The following ANK2 variants were observed in gnomAD, a reference collection of about 807,000 sequenced individuals.
ANK2 encodes ankyrin 2.
ANK2 carries 83 observed loss-of-function variants against 360.5 expected under a neutral mutation model. The ratio of observed to expected loss-of-function variants is 0.23; its 90% CI spans 0.19 to 0.28. ANK2 has a LOEUF of 0.28. Among genes scored for constraint, ANK2 ranks in the 10% least tolerant of loss-of-function variants. The pLI is 1.00. For missense variants in ANK2, 4,201 were observed against 4,795.7 expected (o/e 0.88, Z 3.66); for synonymous variants, 1,740 against 1,759.5 (o/e 0.99, Z 0.28).
chr4:113,304,825 A>G (rs1223087525), intron 23 of ANK2, among the ~76,000 whole-genome samples: 1 of 152,198 alleles, frequency 6.6e-6, no homozygotes, highest in African/African-American at 2.4e-5. Flanking sequence ...ATAAGGAAAA[A>G]TGAGTAATGT....
intron 45 of ANK2, 29 bp downstream of exon 45, chr4:113,373,478 T>G: frequency 6.2e-7 from 1 of 1,611,522 alleles, no homozygotes; most frequent in Non-Finnish European, 8.5e-7. Context: ...CTAAAACCCA[T>G]TTGATGGAGA....
At chr4:113,201,046 C>A (rs1348728496) in intron 4 of ANK2, among the ~76,000 whole-genome samples, 1 of 151,922 alleles carries the variant, frequency 6.6e-6, no homozygotes, top group East Asian at 1.9e-4. Context: ...TAATAATAAA[C>A]AAAAGAGTGA....
At chr4:112,833,398 G>C (rs1247613034) in intron 1 of ANK2, among the ~76,000 whole-genome samples, 2 of 152,222 alleles carry the variant, frequency 1.3e-5, no homozygotes, top group African/African-American at 4.8e-5. Flanking sequence ...CAAAATTAGA[G>C]TAGTTTAAGC....
chr4:113,300,930 T>C (rs575853697), intron 22 of ANK2, among the ~76,000 whole-genome samples: 13 of 152,342 alleles, frequency 8.5e-5, no homozygotes, highest in African/African-American at 2.9e-4. Flanking sequence ...CTTATATATG[T>C]ATATAGTCAG....
At chr4:112,811,902 C>T in the ANK2 span, among the ~76,000 whole-genome samples, 1 of 151,868 alleles carries the variant, frequency 6.6e-6, no homozygotes, top group Non-Finnish European at 1.5e-5. Flanking sequence ...GGTGAAACCC[C>T]GTCTCTACTA....
chr4:113,234,025 G>A (rs558031065), intron 5 of ANK2, among the ~76,000 whole-genome samples: 1 of 152,250 alleles, frequency 6.6e-6, no homozygotes, highest in South Asian at 2.1e-4. Flanking sequence ...ATCTATATTT[G>A]TTTTATTTGA....
chr4:112,911,501 C>A (rs2151021168), intron 2 of ANK2, among the ~76,000 whole-genome samples: 1 of 151,808 alleles, frequency 6.6e-6, no homozygotes, highest in South Asian at 2.1e-4. Context: ...CCAGCCTGGG[C>A]AACAGAGCGA....
chr4:113,159,457 T>TATTA (rs1449535580), intron 1 of ANK2, among the ~76,000 whole-genome samples: 1 of 152,152 alleles, frequency 6.6e-6, no homozygotes, highest in Admixed American at 6.6e-5. Flanking sequence ...TACTGAAATA[T>TATTA]ATTACTGCAT....
rs374133452 is a variant in ANK2, at chr4:112,931,128, TATG to T, written c.21+26617_21+26619del. Among the ~76,000 whole-genome samples the T allele has an allele frequency of 2.2e-3, 328 of 152,196 alleles. 2 individuals are homozygous for T. Among genetic ancestry groups the T allele is most frequent in the African/African-American group, 7.5e-3 (311 of 41,520 alleles). ...GTTCCTTCAGTCCTTTCCTCACAGT[TATG>T]ATAAGAGGTTTTAAACCCAGGGTCG... On this transcript the variant is annotated intron_variant, in intron 2 of 30. Coordinates refer to the ANK2 transcript ENST00000503271.
the ANK2 span, among the ~76,000 whole-genome samples, chr4:112,739,832 C>T: frequency 3.9e-5 from 6 of 151,948 alleles, no homozygotes; most frequent in South Asian, 8.3e-4. Context: ...GGCAACATGG[C>T]GAAAACCCAT....
chr4:112,996,824 T>C (rs1024409830), intron 2 of ANK2, among the ~76,000 whole-genome samples: 4 of 152,114 alleles, frequency 2.6e-5, no homozygotes, highest in African/African-American at 9.7e-5. Flanking sequence ...AATAATAGGT[T>C]TTATTCATTA....
intron 35 of ANK2, among the ~76,000 whole-genome samples, chr4:113,347,227 A>C (rs2094959622): frequency 6.6e-6 from 1 of 152,158 alleles, no homozygotes; most frequent in Non-Finnish European, 1.5e-5. Context: ...TGACATTGTA[A>C]ATTTTTATTA....
At chr4:113,282,934 C>T (rs2062960537) in intron 18 of ANK2, 62 bp downstream of exon 18, 3 of 1,561,600 alleles carry the variant, frequency 1.9e-6, no homozygotes, top group Admixed American at 1.7e-5. Flanking sequence ...AGGAACCAAT[C>T]GCAGACAGTT....
intron 1 of ANK2, among the ~76,000 whole-genome samples, chr4:112,879,212 T>C (rs760202224): frequency 2.0e-5 from 3 of 152,282 alleles, no homozygotes; most frequent in East Asian, 1.9e-4. Context: ...CCCACCAACA[T>C]TGAGTGGGGA....
At chr4:113,036,300 C>T (rs955841221) in intron 2 of ANK2, among the ~76,000 whole-genome samples, 1 of 149,298 alleles carries the variant, frequency 6.7e-6, no homozygotes, top group Admixed American at 6.7e-5. Context: ...ATGCCACATC[C>T]AGGACTTGAA....
At chr4:113,307,742 G>A (rs915729196) in intron 23 of ANK2, among the ~76,000 whole-genome samples, 4 of 152,110 alleles carry the variant, frequency 2.6e-5, no homozygotes, top group African/African-American at 9.7e-5. Context: ...ATTGTCACCC[G>A]TGTCCTACAG....
chr4:112,894,790 T>A (rs1361213624), intron 1 of ANK2, among the ~76,000 whole-genome samples: 3 of 152,200 alleles, frequency 2.0e-5, no homozygotes, highest in Non-Finnish European at 4.4e-5. Flanking sequence ...GGAAGTTTGT[T>A]ATATTTTAGC....
Position 113,330,257 on chromosome 4 carries a change from G to C in ANK2, c.2912G>C (p.Ser971Thr). ...ATTTTAATTTTTAGTTTCCTGGTTAGTTTTATGGTGGATGCCCGAGGTGGT... is the reference window on the plus strand; with the variant it reads ...ATTTTAATTTTTAGTTTCCTGGTTACTTTTATGGTGGATGCCCGAGGTGGT... ...SSPIHSGFLVSFMVDARGGAM... is the reference protein window; with the variant it reads ...SSPIHSGFLVTFMVDARGGAM... Residue 971 changes from serine (S) to threonine (T), a missense_variant, in exon 27 of 46, where the codon AGT becomes ACT. Ser to Thr is a moderately conservative substitution (Grantham distance 58). Around this residue, in one of 4 missense-constraint regions of ANK2, gnomAD observed 1,268 missense variants for 1,650.8 expected, o/e 0.77. Coordinates refer to ENST00000357077, the MANE Select transcript of ANK2 (RefSeq NM_001148.6). 5 of 1,614,128 alleles carry C rather than the reference G, an allele frequency of 3.1e-6. No homozygotes were observed. Among genetic ancestry groups the C allele is most frequent in the Non-Finnish European group, 4.2e-6 (5 of 1,179,988 alleles).
At chr4:112,869,128 T>A (rs564207538) in intron 1 of ANK2, among the ~76,000 whole-genome samples, 1 of 152,218 alleles carries the variant, frequency 6.6e-6, no homozygotes, top group South Asian at 2.1e-4. Flanking sequence ...CCCAGCTAAT[T>A]TAAAATTTTT....
Sources: gnomAD v4.1 joint callset for allele counts (sites outside exome capture counted in the v4.1 genomes callset) on GRCh38, gnomAD v4.1.1 for gene constraint, gnomAD v4.1.1 regional missense constraint, MANE v1.5 for transcripts, NCBI Gene and HGNC (gene_info 2026-07-23, HGNC 2026-07-21) for gene names.